Variants in QRICH1 observed in about 807,000 individuals in gnomAD.
QRICH1 encodes transcriptional regulator QRICH1.
In QRICH1, 16 loss-of-function variants were observed where a neutral mutation model predicts 87.1. The ratio of observed to expected loss-of-function variants is 0.18; its 90% CI spans 0.12 to 0.28. The LOEUF is 0.28. QRICH1 is among the 10% of genes least tolerant of loss of function. The pLI, the probability that QRICH1 is intolerant of heterozygous loss-of-function variation, is 1.00. For missense variants in QRICH1, 647 were observed against 951.7 expected (o/e 0.68, Z 4.21); for synonymous variants, 367 against 368.4 (o/e 1.00, Z 0.05).
intron 6 of QRICH1, among the ~76,000 whole-genome samples, chr3:49,037,745 G>A (rs1406899634): frequency 1.3e-5 from 2 of 150,064 alleles, no homozygotes; most frequent in East Asian, 2.0e-4. Context: ...AAAAAAAAAA[G>A]GGCAGGGGAC....
At chr3:49,039,832 G>C (rs2093299653) in intron 6 of QRICH1, among the ~76,000 whole-genome samples, 1 of 152,074 alleles carries the variant, frequency 6.6e-6, no homozygotes, top group Non-Finnish European at 1.5e-5. Context: ...GGCTGAGGCA[G>C]GCGGATCACT....
intron 5 of QRICH1, 45 bp downstream of exon 5, chr3:49,046,380 T>C (rs994884415): frequency 1.0e-5 from 16 of 1,560,690 alleles, no homozygotes; most frequent in Non-Finnish European, 1.3e-5. Flanking sequence ...AAACATCCAA[T>C]AGGAACACAG....
At chr3:49,055,116 T>C (rs777968378) in intron 3 of QRICH1, among the ~76,000 whole-genome samples, 25 of 152,252 alleles carry the variant, frequency 1.6e-4, no homozygotes, top group Non-Finnish European at 3.2e-4. Flanking sequence ...ATTCTATTTC[T>C]AGGCCCAACA....
chr3:49,083,749 C>CA (rs1223307745), intron 1 of QRICH1, among the ~76,000 whole-genome samples: 1 of 151,006 alleles, frequency 6.6e-6, no homozygotes, highest in African/African-American at 2.4e-5. Flanking sequence ...GCTTGGGTGA[C>CA]AGAGTGAGAC....
At chr3:49,071,086 A>G (rs1215772683) in intron 2 of QRICH1, among the ~76,000 whole-genome samples, 1 of 149,572 alleles carries the variant, frequency 6.7e-6, no homozygotes, top group East Asian at 2.0e-4. Context: ...TTTTTTTGAG[A>G]CAGACTCTTG....
At chr3:49,047,680 G>A (rs1026494438) in intron 3 of QRICH1, among the ~76,000 whole-genome samples, 20 of 151,880 alleles carry the variant, frequency 1.3e-4, no homozygotes, top group South Asian at 6.3e-4. Flanking sequence ...ACGGAGTTTC[G>A]CCATGTTGGT....
chr3:49,092,340 T>C (rs1311129852), intron 1 of QRICH1: 1 of 151,962 alleles, frequency 6.6e-6, no homozygotes, highest in Admixed American at 6.6e-5. Context: ...TGCTTCAGTA[T>C]TACCAGAAAA....
At chr3:49,064,170 A>G (rs1452272670) in intron 2 of QRICH1, among the ~76,000 whole-genome samples, 1 of 150,522 alleles carries the variant, frequency 6.6e-6, no homozygotes. Flanking sequence ...ACCTCAGGTG[A>G]TCCGCCTGCC....
At chr3:49,070,893 G>A (rs1383487457) in intron 2 of QRICH1, among the ~76,000 whole-genome samples, 6 of 152,080 alleles carry the variant, frequency 3.9e-5, no homozygotes, top group South Asian at 2.1e-4. Context: ...AACGTTAATA[G>A]TGATCTCGGT....
intron 2 of QRICH1, among the ~76,000 whole-genome samples, chr3:49,066,265 G>A (rs1236764441): frequency 6.6e-6 from 1 of 151,902 alleles, no homozygotes; most frequent in East Asian, 1.9e-4. Context: ...TCTGGCATGA[G>A]TGACAGTGAG....
intron 2 of QRICH1, among the ~76,000 whole-genome samples, chr3:49,068,014 C>G (rs2093478143): frequency 6.6e-6 from 1 of 151,756 alleles, no homozygotes; most frequent in South Asian, 2.1e-4. Flanking sequence ...TCAGATATAA[C>G]AACTCTCAAC....
At chr3:49,062,562 T>C (rs968305281) in intron 2 of QRICH1, among the ~76,000 whole-genome samples, 8 of 150,994 alleles carry the variant, frequency 5.3e-5, no homozygotes, top group Non-Finnish European at 1.0e-4. Context: ...GGTTTCACCA[T>C]GTTAGCCAGG....
At position 49,033,226 on chromosome 3, in the gene QRICH1, A is replaced by G. The variant is rs1194035010; in HGVS notation, c.1789T>C (p.Tyr597His). The G allele has an allele frequency of 6.5e-7, 1 of 1,546,118 alleles. No individual in the cohort carries two copies. Among genetic ancestry groups the G allele is most frequent in the Non-Finnish European group, 8.7e-7 (1 of 1,147,700 alleles). Residue 597 changes from tyrosine (Y) to histidine (H), a missense_variant and splice_region_variant, in exon 7 of 10, where the codon TAT becomes CAT. By Grantham distance (83) the Tyr-to-His change is moderately conservative. Around this residue, in one of 7 missense-constraint regions of QRICH1, gnomAD observed 187 missense variants for 309.5 expected, o/e 0.60. Coordinates refer to ENST00000395443, the MANE Select transcript of QRICH1 (RefSeq NM_198880.3). ...TCAGTCACGTGGCTGGGCAAGACAT[A>G]GCCTAGGAGGAATAGAGTACTGTCA... is the stretch of plus-strand genomic sequence containing the variant. ...DVQPRVTPLG[Y>H]VLPSHVTEEM...
intron 3 of QRICH1, among the ~76,000 whole-genome samples, chr3:49,048,788 CAAAAAAAAAAACCAAAAAA>C (rs2093353513): frequency 1.9e-5 from 1 of 51,794 alleles, no homozygotes; most frequent in Non-Finnish European, 4.1e-5. Context: ...ACTCTGTTCA[CAAAAAAAAAAACCAAAAAA>C]AAAAAAAAAG....
At chr3:49,064,851 T>C (rs2093458163) in intron 2 of QRICH1, among the ~76,000 whole-genome samples, 1 of 151,972 alleles carries the variant, frequency 6.6e-6, no homozygotes, top group Admixed American at 6.6e-5. Context: ...ACCCTGTCTG[T>C]CCTAAAAATA....
intron 2 of QRICH1, among the ~76,000 whole-genome samples, chr3:49,063,489 A>G (rs1472290721): frequency 6.6e-6 from 1 of 152,200 alleles, no homozygotes; most frequent in Non-Finnish European, 1.5e-5. Context: ...AAGATTTCTT[A>G]GTCAAAGCCT....
intron 8 of QRICH1, 24 bp downstream of exon 8, chr3:49,032,598 G>A: frequency 1.3e-6 from 2 of 1,543,062 alleles, no homozygotes; most frequent in Non-Finnish European, 1.7e-6. Flanking sequence ...ACCTGTTTTT[G>A]CCATCCCTGC....
chr3:49,037,723 C>G (rs2093284201), intron 6 of QRICH1, among the ~76,000 whole-genome samples: 1 of 150,508 alleles, frequency 6.6e-6, no homozygotes, highest in Admixed American at 6.6e-5. Flanking sequence ...GAGAGAGAGA[C>G]TCTGTATCCA....
chr3:49,032,471 A>T, intron 8 of QRICH1, 151 bp downstream of exon 8: 1 of 1,086,880 alleles, frequency 9.2e-7, no homozygotes, highest in Non-Finnish European at 1.3e-6. Context: ...CTAGGAGGAA[A>T]GTTTGGAATT....
Sources: allele counts gnomAD v4.1 joint callset (sites outside exome capture counted in the v4.1 genomes callset), GRCh38; gene constraint gnomAD v4.1.1; regional missense constraint gnomAD v4.1.1; transcripts MANE v1.5; gene names NCBI Gene and HGNC (gene_info 2026-07-23, HGNC 2026-07-21).